The following TRPC4AP variants were observed in gnomAD, a reference collection of about 807,000 sequenced individuals.
TRPC4AP encodes the protein short transient receptor potential channel 4-associated protein.
In TRPC4AP, 45 loss-of-function variants were observed where a neutral mutation model predicts 99.0. The ratio of observed to expected loss-of-function variants is 0.45; its 90% CI spans 0.36 to 0.58. The LOEUF (loss-of-function observed/expected upper bound fraction) is 0.58. Among genes scored for constraint, TRPC4AP ranks in the 20% least tolerant of loss-of-function variants. TRPC4AP has a pLI of 0.00. For synonymous variants in TRPC4AP, 408 were observed against 385.8 expected, an observed-to-expected ratio of 1.06 and a Z score of -0.67; for missense variants, 879 against 985.3, an observed-to-expected ratio of 0.89 and a Z score of 1.44.
intron 3 of TRPC4AP, among the ~76,000 whole-genome samples, chr20:35,067,722 A>G (rs2084179548): frequency 6.6e-6 from 1 of 152,226 alleles, no homozygotes; most frequent in African/African-American, 2.4e-5. Flanking sequence ...GAATCTAGAA[A>G]TCATTACGCT....
intron 12 of TRPC4AP, among the ~76,000 whole-genome samples, chr20:35,009,824 C>T (rs911609633): frequency 6.6e-6 from 1 of 152,234 alleles, no homozygotes; most frequent in African/African-American, 2.4e-5. Context: ...TTCTGTCTGT[C>T]CTGCTTGGCT....
chr20:35,003,629 A>G lies in TRPC4AP; in HGVS notation c.2050-13T>C, dbSNP rs369550661. On this transcript the variant is annotated splice_polypyrimidine_tract_variant and intron_variant, in intron 17 of 18. Coordinates refer to ENST00000252015, the MANE Select transcript of TRPC4AP (RefSeq NM_015638.3). ...AGCTGACGTTCTCCTGCAAGGCCAC[A>G]GGCCCACAGGGTCAGGGGCTGGTGG... 52 of 1,610,410 alleles carry G rather than the reference A, an allele frequency of 3.2e-5. No homozygotes were observed. The Middle Eastern group carries it at 1.3e-3, about 42-fold the overall frequency.
intron 1 of TRPC4AP, among the ~76,000 whole-genome samples, chr20:35,086,889 C>T (rs1052179675): frequency 3.3e-5 from 5 of 151,246 alleles, no homozygotes; most frequent in Admixed American, 1.3e-4. Flanking sequence ...AAAAAGTAGC[C>T]GGGCATGGTG....
Position 35,002,668 on chromosome 20 carries a change from G to C in TRPC4AP, c.*478C>G, listed in dbSNP as rs1272042099. ...TACAGGAAAATGAGGCAGAGGGGCA[G>C]GCTTGGGGGAAGGCAGCATTCTCTG... On this transcript the variant is annotated 3_prime_UTR_variant, in exon 19 of 19. Coordinates refer to ENST00000252015, the MANE Select transcript of TRPC4AP (RefSeq NM_015638.3). 5.8e-6 allele frequency: 1 copy of C among 172,232 alleles called. No individual in the cohort carries two copies. Among genetic ancestry groups the C allele is most frequent in the Non-Finnish European group, 1.2e-5 (1 of 80,950 alleles). 10.7% of individuals were successfully genotyped at this position (172,232 alleles called of 1,614,324 possible).
At chr20:35,029,430 T>C (rs1169949054) in intron 8 of TRPC4AP, among the ~76,000 whole-genome samples, 1 of 152,170 alleles carries the variant, frequency 6.6e-6, no homozygotes, top group Non-Finnish European at 1.5e-5. Context: ...TTTGAATGAA[T>C]TGTTAAATCT....
intron 7 of TRPC4AP, among the ~76,000 whole-genome samples, chr20:35,039,451 C>T (rs534701487): frequency 6.6e-6 from 1 of 152,360 alleles, no homozygotes; most frequent in Non-Finnish European, 1.5e-5. Flanking sequence ...GACATCCCAG[C>T]ATATCCAGTC....
Position 35,003,143 on chromosome 20 carries a change from A to G in TRPC4AP, c.*3T>C, listed in dbSNP as rs1483813740. Reference sequence around the variant, plus strand: ...CAGCAGCCTCCCGAGGCCTGGCCCAAGGTCACTCCTCAGTGAAGTCCCTGT... The same window carrying G: ...CAGCAGCCTCCCGAGGCCTGGCCCAGGGTCACTCCTCAGTGAAGTCCCTGT... On this transcript the variant is annotated 3_prime_UTR_variant, in exon 19 of 19. Coordinates refer to ENST00000252015, the MANE Select transcript of TRPC4AP (RefSeq NM_015638.3). 1.2e-6 allele frequency: 2 copies of G among 1,613,952 alleles called. No homozygotes were observed. The highest frequency in any genetic ancestry group is 2.2e-5 in the East Asian group (1 of 44,898).
intron 9 of TRPC4AP, among the ~76,000 whole-genome samples, chr20:35,019,161 C>T (rs183876495): frequency 6.8e-4 from 104 of 152,272 alleles, no homozygotes; most frequent in Non-Finnish European, 1.2e-3. Context: ...GAAACCCTTC[C>T]CCTTGCTACC....
intron 3 of TRPC4AP, among the ~76,000 whole-genome samples, chr20:35,065,748 G>A (rs1180157808): frequency 6.6e-6 from 1 of 152,176 alleles, no homozygotes; most frequent in African/African-American, 2.4e-5. Flanking sequence ...TTGATCCAAA[G>A]ATGTCCGAAG....
chr20:35,037,065 G>T (rs1282537273), intron 7 of TRPC4AP, among the ~76,000 whole-genome samples: 1 of 152,004 alleles, frequency 6.6e-6, no homozygotes, highest in South Asian at 2.1e-4. Flanking sequence ...TCAAAAAGTT[G>T]GCCAGGCACG....
At chr20:35,052,111 T>C (rs1481785909) in intron 5 of TRPC4AP, among the ~76,000 whole-genome samples, 3 of 151,688 alleles carry the variant, frequency 2.0e-5, no homozygotes, top group Non-Finnish European at 4.4e-5. Flanking sequence ...TTTTTTTTTT[T>C]TTGGAGACAG....
chr20:35,016,446 A>G (rs2082755278), intron 9 of TRPC4AP, among the ~76,000 whole-genome samples: 1 of 152,198 alleles, frequency 6.6e-6, no homozygotes, highest in African/African-American at 2.4e-5. Flanking sequence ...TTTGGGATGC[A>G]AGAGTCCTGG....
intron 7 of TRPC4AP, 94 bp downstream of exon 7, chr20:35,044,411 A>AAAAAG (rs1052086269): frequency 1.0e-5 from 13 of 1,302,996 alleles, no homozygotes; most frequent in Middle Eastern, 2.4e-4. Context: ...AAAAAAAAAA[A>AAAAAG]AAAAGAAAAG....
intron 8 of TRPC4AP, among the ~76,000 whole-genome samples, chr20:35,026,163 G>A (rs1018066379): frequency 3.3e-5 from 5 of 151,752 alleles, no homozygotes; most frequent in Non-Finnish European, 5.9e-5. Flanking sequence ...CAGCAGCATA[G>A]TGTCTCGATT....
intron 8 of TRPC4AP, 70 bp from the exon 9 acceptor site, chr20:35,021,426 G>A: frequency 6.5e-7 from 1 of 1,545,526 alleles, no homozygotes; most frequent in Non-Finnish European, 8.8e-7. Context: ...CCTCGAACCT[G>A]CTCTGAACAG....
At chr20:35,076,590 A>G (rs1360740992) in intron 2 of TRPC4AP, among the ~76,000 whole-genome samples, 1 of 152,182 alleles carries the variant, frequency 6.6e-6, no homozygotes, top group Non-Finnish European at 1.5e-5. Flanking sequence ...ATATTGCAGA[A>G]CGGCAAATGC....
intron 8 of TRPC4AP, among the ~76,000 whole-genome samples, chr20:35,032,044 C>T (rs2083207130): frequency 1.3e-5 from 2 of 152,186 alleles, no homozygotes; most frequent in Non-Finnish European, 2.9e-5. Context: ...TGTGCACCAC[C>T]ATGGCCATCT....
At chr20:35,041,737 T>C (rs557685429) in intron 7 of TRPC4AP, among the ~76,000 whole-genome samples, 1 of 152,320 alleles carries the variant, frequency 6.6e-6, no homozygotes, top group South Asian at 2.1e-4. Flanking sequence ...AATAGATTCC[T>C]TAAATGGGAA....
At chr20:35,056,709 G>A (rs1218648408) in intron 4 of TRPC4AP, among the ~76,000 whole-genome samples, 16 of 151,890 alleles carry the variant, frequency 1.1e-4, no homozygotes, top group African/African-American at 2.4e-4. Flanking sequence ...AGCTGGGTGC[G>A]GTGGCTCATG....
Sources: allele counts gnomAD v4.1 joint callset (sites outside exome capture counted in the v4.1 genomes callset), GRCh38; gene constraint gnomAD v4.1.1; transcripts MANE v1.5; gene names NCBI Gene and HGNC (gene_info 2026-07-23, HGNC 2026-07-21).